AOX1: variants seen among roughly 807,000 people sequenced by gnomAD.
The protein encoded by AOX1 is aldehyde oxidase 1.
AOX1 carries 153 observed loss-of-function variants against 169.5 expected under a neutral mutation model. The observed-to-expected ratio is 0.90, with a 90% CI of 0.79 to 1.03. The LOEUF (loss-of-function observed/expected upper bound fraction) is 1.03, where lower values mean the gene tolerates loss of function less well. Ranked by LOEUF, AOX1 falls within the 50% of genes least tolerant of loss-of-function variation. AOX1 has a pLI of 0.00. For missense variants in AOX1, 1,656 were observed against 1,663.9 expected, an observed-to-expected ratio of 1.00 and a Z score of 0.08; for synonymous variants, 562 against 581.9, an observed-to-expected ratio of 0.97 and a Z score of 0.49.
chr2:200,608,086 TAACA>T (rs1160058644), intron 10 of AOX1, among the ~76,000 whole-genome samples: 10 of 152,344 alleles, frequency 6.6e-5, no homozygotes, highest in Admixed American at 3.9e-4. Context: ...TATACCTATG[TAACA>T]AACCTGCACA....
At chr2:200,621,093 A>G in intron 17 of AOX1, 27 bp from the exon 18 acceptor site, 2 of 1,598,188 alleles carry the variant, frequency 1.3e-6, no homozygotes, top group Non-Finnish European at 1.7e-6. Flanking sequence ...GGCCACTCTA[A>G]GGAGCTCTGC....
At chr2:200,627,313 C>G (rs201665840) in intron 19 of AOX1, 40 bp from the exon 20 acceptor site, 1 of 1,437,412 alleles carries the variant, frequency 7.0e-7, no homozygotes, top group Non-Finnish European at 9.8e-7. Flanking sequence ...AGGGCAGGGT[C>G]TCTTGCCCAA....
At chr2:200,670,484 C>T (rs1022539385) in intron 34 of AOX1, 145 bp from the exon 35 acceptor site, 3 of 672,260 alleles carry the variant, frequency 4.5e-6, no homozygotes, top group Admixed American at 4.5e-5. Context: ...CTGGCTTCCT[C>T]TATACTTCAC....
At chr2:200,666,000 C>T (rs1440800245) in intron 31 of AOX1, among the ~76,000 whole-genome samples, 4 of 152,102 alleles carry the variant, frequency 2.6e-5, no homozygotes, top group Non-Finnish European at 5.9e-5. Context: ...TTCTTTTGTT[C>T]AATTAGTAAT....
At chr2:200,627,986 C>G (rs768465431) in intron 20 of AOX1, among the ~76,000 whole-genome samples, 1 of 152,084 alleles carries the variant, frequency 6.6e-6, no homozygotes, top group Non-Finnish European at 1.5e-5. Flanking sequence ...TTTCTCCTTT[C>G]TCTTTCTTCC....
downstream of AOX1, among the ~76,000 whole-genome samples, chr2:200,677,436 A>T: frequency 6.6e-6 from 1 of 152,086 alleles, no homozygotes. Context: ...CTTCCTCCCC[A>T]CTTCCTCCCA....
rs140711482 is a variant in AOX1, at chr2:200,612,661, C to A, written c.1316C>A (p.Ala439Glu). The change falls in exon 14 of 35, where the codon GCG becomes GAG. Residue 439 changes from alanine (A) to glutamate (E), a missense_variant. Ala to Glu is a moderately radical substitution (Grantham distance 107). Transcript: ENST00000374700. ...RQAQRQENAL[A>E]IVNSGMRVFF... is the part of the protein sequence containing the mutation. ...GCCCAGCGACAGGAGAATGCGCTAG[C>A]GATAGTCAATTCAGGAATGAGAGTC... 1.4e-4 allele frequency: 234 copies of A among 1,613,870 alleles called. No homozygotes were observed. The highest frequency in any genetic ancestry group is 1.8e-4 in the Non-Finnish European group (210 of 1,180,002).
rs754250338 is a variant in AOX1, at chr2:200,586,025, C to A, written c.-84C>A. The A allele has an allele frequency of 2.2e-5, 32 of 1,485,048 alleles. No individual in the cohort carries two copies. Among genetic ancestry groups the A allele is most frequent in the Non-Finnish European group, 2.7e-5 (30 of 1,095,282 alleles). The allele number at this position is 1,485,048 out of a possible 1,614,324, so 92.0% of individuals were successfully genotyped here. A position where few individuals can be genotyped will look rare whatever the true frequency, so the allele number is the denominator to read the frequency against. On this transcript the variant is annotated 5_prime_UTR_variant, in exon 1 of 35. Transcript: ENST00000374700. ...GCAAGCCCCGCCCCACTCGGCGGGTCGGTGCCGCCGGGTCCCAGGTGCCCG... is the reference window on the plus strand; with the variant it reads ...GCAAGCCCCGCCCCACTCGGCGGGTAGGTGCCGCCGGGTCCCAGGTGCCCG...
chr2:200,592,955 TGTG>T lies in AOX1; in HGVS notation c.46-186_46-184del, dbSNP rs1019966164. Among the ~76,000 whole-genome samples, 118 of 152,250 alleles carry T rather than the reference TGTG, an allele frequency of 7.8e-4. 1 individual carries two copies. The highest frequency in any genetic ancestry group is 2.6e-3 in the African/African-American group (108 of 41,554). The stretch of plus-strand genomic sequence containing the variant: ...TCAGGACCAAGGACAGGAGCACAAT[TGTG>T]GTGGGGCTCAAGATTACACATAAGA... On this transcript the variant is annotated intron_variant, in intron 1 of 34. Coordinates refer to ENST00000374700, the MANE Select transcript of AOX1 (RefSeq NM_001159.4).
chr2:200,622,567 A>C (rs1007356653), intron 18 of AOX1, among the ~76,000 whole-genome samples: 7 of 152,166 alleles, frequency 4.6e-5, no homozygotes, highest in Non-Finnish European at 8.8e-5. Flanking sequence ...AACTCCCCCA[A>C]AGCAGGGCTG....
Position 200,599,759 on chromosome 2 carries a change from T to G in AOX1, c.436+13T>G. ...GATGCCCTTGGTGGTAGGTTATATA[T>G]GCATGCTTTTATTTTTTAATTTTTA... On this transcript the variant is annotated intron_variant, in intron 5 of 34. Coordinates refer to ENST00000374700, the MANE Select transcript of AOX1 (RefSeq NM_001159.4). 1 of 1,480,764 alleles carries G rather than the reference T, an allele frequency of 6.8e-7. No individual in the cohort carries two copies. Among genetic ancestry groups the G allele is most frequent in the East Asian group, 2.5e-5 (1 of 40,034 alleles). The allele number at this position is 1,480,764 out of a possible 1,614,324, so 91.7% of individuals were successfully genotyped here.
intron 20 of AOX1, among the ~76,000 whole-genome samples, chr2:200,632,005 G>T (rs1474353382): frequency 6.6e-6 from 1 of 152,078 alleles, no homozygotes; most frequent in Non-Finnish European, 1.5e-5. Context: ...AAGATAGGAA[G>T]TCCAGATTGC....
chr2:200,677,835 G>A (rs901204748), downstream of AOX1, among the ~76,000 whole-genome samples: 2 of 152,170 alleles, frequency 1.3e-5, no homozygotes, highest in Admixed American at 6.5e-5. Flanking sequence ...TGGCCAAGAG[G>A]AAGAGATAAA....
intron 24 of AOX1, among the ~76,000 whole-genome samples, chr2:200,642,250 C>T (rs1156432394): frequency 6.6e-6 from 1 of 152,118 alleles, no homozygotes; most frequent in Non-Finnish European, 1.5e-5. Context: ...AGACCCAATG[C>T]CAAAACATTT....
rs2034021694 is a variant in AOX1 at position 200,586,065 on chromosome 2, C to T, written c.-44C>T. 2 of 1,546,922 alleles carry T rather than the reference C, an allele frequency of 1.3e-6. No individual in the cohort carries two copies. The highest frequency in any genetic ancestry group is 1.7e-6 in the Non-Finnish European group (2 of 1,146,648). On this transcript the variant is annotated 5_prime_UTR_variant, in exon 1 of 35. Transcript: ENST00000374700. The stretch of plus-strand genomic sequence containing the variant: ...CCAGGTGCCCGCTACTTCCCAGAAC[C>T]TCCGCCTCCCGCTCCGGGCCCTCGA...
rs1413117016 is a variant in AOX1 at position 200,604,759 on chromosome 2, T to C, written c.733T>C (p.Ser245Pro). ...TGGCAGTGAGAGAATGATGTGGTTT[T>C]CCCCCGTGACCCTGAAGGAACTGCT... The part of the protein sequence containing the change: ...VFGSERMMWF[S>P]PVTLKELLEF... The change falls in exon 9 of 35, where the codon TCC (serine) becomes CCC (proline). Residue 245 changes from serine to proline, a missense_variant. By Grantham distance (74) the Ser-to-Pro change is moderately conservative. Transcript: ENST00000374700. 1.2e-6 allele frequency: 2 copies of C among 1,614,042 alleles called. No homozygotes were observed. Among genetic ancestry groups the C allele is most frequent in the Admixed American group, 1.7e-5 (1 of 60,006 alleles).
intron 27 of AOX1, among the ~76,000 whole-genome samples, chr2:200,657,223 G>A (rs1430959083): frequency 6.3e-5 from 8 of 126,970 alleles, no homozygotes; most frequent in African/African-American, 2.5e-4. Flanking sequence ...AGGGCATGGT[G>A]GCATGAGCCT....
chr2:200,671,634 G>A (rs1209313767), downstream of AOX1: 1 of 152,150 alleles, frequency 6.6e-6, no homozygotes, highest in Non-Finnish European at 1.5e-5. Context: ...TAGGATGATT[G>A]TAATCAAAAT....
rs192598195 is a variant in AOX1, at chr2:200,616,876, G to A, written c.1704+813G>A. Among the ~76,000 whole-genome samples the A allele has an allele frequency of 5.3e-5, 8 of 152,260 alleles. No individual in the cohort carries two copies. The East Asian group carries it at 5.8e-4, about 11-fold the overall frequency. ...TGGTTGTGAAAGCTTATAGTATGTC[G>A]TAATGAACATTGACGTTGGTGTGTA... On this transcript the variant is annotated intron_variant, in intron 16 of 34. Transcript: ENST00000374700.
Sources: gnomAD v4.1 joint callset for allele counts (sites outside exome capture counted in the v4.1 genomes callset) on GRCh38, gnomAD v4.1.1 for gene constraint, MANE v1.5 for transcripts, NCBI Gene and HGNC (gene_info 2026-07-23, HGNC 2026-07-21) for gene names.